The following EHBP1 variants were observed in gnomAD, a reference collection of about 807,000 sequenced individuals.
EHBP1 encodes the protein EH domain binding protein 1, also known as EH domain-binding protein 1.
EHBP1 carries 55 observed loss-of-function variants against 144.0 expected under a neutral mutation model. The observed-to-expected ratio is 0.38, with a 90% confidence interval of 0.31 to 0.48. EHBP1 has a LOEUF of 0.48. Ranked by LOEUF, EHBP1 falls within the 20% of genes least tolerant of loss-of-function variation. The pLI is 0.98. For missense variants in EHBP1, 1,200 were observed against 1,364.2 expected (o/e 0.88, Z 1.90); for synonymous variants, 469 against 472.7 (o/e 0.99, Z 0.10).
intron 19 of EHBP1, among the ~76,000 whole-genome samples, chr2:63,033,979 C>G (rs1380196497): frequency 6.6e-6 from 1 of 151,920 alleles, no homozygotes; most frequent in Admixed American, 6.6e-5. Flanking sequence ...ATAATTTTTA[C>G]AAATCATACT....
chr2:63,040,594 T>TA (rs1450236184), intron 21 of EHBP1, among the ~76,000 whole-genome samples: 1 of 152,208 alleles, frequency 6.6e-6, no homozygotes, highest in Non-Finnish European at 1.5e-5. Flanking sequence ...CTACAGTTGT[T>TA]AGTGTTTTGC....
chr2:62,945,071 A>G (rs1408143914), intron 12 of EHBP1, among the ~76,000 whole-genome samples: 2 of 152,228 alleles, frequency 1.3e-5, no homozygotes, highest in East Asian at 3.8e-4. Context: ...AGTGTTAACC[A>G]TGCCTGAGAC....
chr2:62,830,191 C>CACAT (rs773512660), intron 6 of EHBP1, among the ~76,000 whole-genome samples: 19 of 106,238 alleles, frequency 1.8e-4, no homozygotes, highest in African/African-American at 5.8e-4. Flanking sequence ...CACACACACA[C>CACAT]ACACATATAT....
chr2:62,726,650 G>A (rs2036819201), intron 2 of EHBP1: 1 of 152,108 alleles, frequency 6.6e-6, no homozygotes, highest in Non-Finnish European at 1.5e-5. Context: ...GACTTGTTAA[G>A]TGCACTATTG....
At chr2:62,814,167 ATGAGG>A (rs2045267136) in intron 5 of EHBP1, among the ~76,000 whole-genome samples, 1 of 152,246 alleles carries the variant, frequency 6.6e-6, no homozygotes, top group Admixed American at 6.5e-5. Context: ...TGGGAACTGT[ATGAGG>A]TGAATAGATC....
chr2:62,943,846 A>C lies in EHBP1; in HGVS notation c.1409A>C (p.Lys470Thr). The change falls in exon 12 of 23, where the codon AAA becomes ACA. Residue 470 changes from lysine to threonine, a missense_variant. By Grantham distance (78) the Lys-to-Thr change is moderately conservative. Around this residue, in one of 6 missense-constraint regions of EHBP1, gnomAD observed 94 missense variants for 143.0 expected, o/e 0.66. Coordinates refer to ENST00000431489, the MANE Select transcript of EHBP1 (RefSeq NM_001142616.3). ...LNPQDIKENN[K>T]KAYDGFASIG... ...CCTCAAGATATTAAAGAGAACAACA[A>C]AAAGGTAAGAATTGATGAGCAAGAA... The C allele has an allele frequency of 6.2e-7, 1 of 1,603,568 alleles. No homozygotes were observed. Among genetic ancestry groups the C allele is most frequent in the Non-Finnish European group, 8.5e-7 (1 of 1,173,404 alleles).
chr2:62,810,921 G>T (rs1276845772), intron 5 of EHBP1, among the ~76,000 whole-genome samples: 3 of 152,210 alleles, frequency 2.0e-5, no homozygotes, highest in Admixed American at 1.3e-4. Flanking sequence ...GTAGTCAACT[G>T]GAGGTTAGGG....
chr2:62,921,350 T>C (rs770055832), intron 10 of EHBP1, among the ~76,000 whole-genome samples: 1 of 151,056 alleles, frequency 6.6e-6, no homozygotes, highest in Non-Finnish European at 1.5e-5. Context: ...GAGGCTGAGG[T>C]AGGAGGATGG....
Position 62,771,408 on chromosome 2 carries a change from ATTCC to A in EHBP1, c.312+20_312+23del, listed in dbSNP as rs1248746056. The stretch of plus-strand genomic sequence containing the variant: ...CATAGAAAATGTAAGCTAATGGCAA[ATTCC>A]TTCACCTTTCACATTTTCAACTTTA... On this transcript the variant is annotated intron_variant, in intron 5 of 22. Coordinates refer to ENST00000431489, the MANE Select transcript of EHBP1 (RefSeq NM_001142616.3). 6 of 1,572,708 alleles carry A rather than the reference ATTCC, an allele frequency of 3.8e-6. No homozygotes were observed. Among genetic ancestry groups the A allele is most frequent in the Non-Finnish European group, 5.2e-6 (6 of 1,157,464 alleles).
intron 19 of EHBP1, 133 bp downstream of exon 19, chr2:62,996,899 T>G (rs1032850256): frequency 1.5e-6 from 2 of 1,294,508 alleles, no homozygotes; most frequent in African/African-American, 3.0e-5. Context: ...AAGGCTGCGA[T>G]TTGCAGCCAC....
At chr2:62,808,067 A>C (rs2152518949) in intron 5 of EHBP1, among the ~76,000 whole-genome samples, 1 of 151,382 alleles carries the variant, frequency 6.6e-6, no homozygotes, top group African/African-American at 2.4e-5. Context: ...AAAAAAAAAA[A>C]GAAAGAAAAG....
At chr2:62,997,428 A>ATGTGTGTG (rs70962800) in intron 19 of EHBP1, among the ~76,000 whole-genome samples, 42 of 90,610 alleles carry the variant, frequency 4.6e-4, no homozygotes, top group South Asian at 1.8e-3. Flanking sequence ...AAAGGAACTC[A>ATGTGTGTG]TGTGTGTGTG....
chr2:62,931,545 G>C (rs1236346520), intron 10 of EHBP1, among the ~76,000 whole-genome samples: 1 of 152,164 alleles, frequency 6.6e-6, no homozygotes, highest in East Asian at 1.9e-4. Context: ...GTATACAGTA[G>C]CACCTCCACC....
intron 19 of EHBP1, among the ~76,000 whole-genome samples, chr2:63,021,958 G>A (rs1167457989): frequency 6.6e-6 from 1 of 151,974 alleles, no homozygotes; most frequent in African/African-American, 2.4e-5. Context: ...AGTAGAGACG[G>A]GGTTTCACTA....
chr2:62,895,278 T>TATCATC (rs10700628), intron 10 of EHBP1, among the ~76,000 whole-genome samples: 14,463 of 149,740 alleles, frequency 0.097, 917 homozygotes, highest in Non-Finnish European at 0.13. Flanking sequence ...ATGTAAATTC[T>TATCATC]ATCATCATCA....
In EHBP1 at chr2:62,948,578, T is replaced by G. The variant is rs1382107968; in HGVS notation, c.1732T>G (p.Ser578Ala). Residue 578 changes from serine to alanine, a missense_variant, in exon 13 of 23, where the codon TCT (serine) becomes GCT (alanine). This residue lies in a region of EHBP1 where 543 missense variants were observed against 513.1 expected (regional missense o/e 1.06). Coordinates refer to ENST00000431489, the MANE Select transcript of EHBP1 (RefSeq NM_001142616.3). ...GAVDFLSQDD[S>A]VFVNDSGVGE... Reference sequence around the variant, plus strand: ...AGTAGACTTCTTATCACAGGATGACTCTGTATTTGTAAATGATAGCGGGGT... The same window carrying G: ...AGTAGACTTCTTATCACAGGATGACGCTGTATTTGTAAATGATAGCGGGGT... 6.2e-7 allele frequency: 1 copy of G among 1,614,054 alleles called. No individual in the cohort carries two copies. Among genetic ancestry groups the G allele is most frequent in the Non-Finnish European group, 8.5e-7 (1 of 1,180,006 alleles).
intron 19 of EHBP1, among the ~76,000 whole-genome samples, chr2:63,029,058 T>C (rs999080263): frequency 1.3e-5 from 2 of 152,230 alleles, no homozygotes; most frequent in African/African-American, 4.8e-5. Context: ...TTTTCAATCT[T>C]AAAATGTACC....
chr2:62,960,412 G>A (rs1380318234), intron 14 of EHBP1, among the ~76,000 whole-genome samples: 2 of 152,064 alleles, frequency 1.3e-5, no homozygotes, highest in Non-Finnish European at 2.9e-5. Flanking sequence ...TAGTGAAATA[G>A]CACTTCTATA....
At chr2:62,699,737 T>C (rs781097108) in intron 1 of EHBP1, among the ~76,000 whole-genome samples, 3 of 152,238 alleles carry the variant, frequency 2.0e-5, no homozygotes, top group Non-Finnish European at 2.9e-5. Flanking sequence ...TGAATATCAT[T>C]GTTGCCTGCA....
Sources: allele counts gnomAD v4.1 joint callset (sites outside exome capture counted in the v4.1 genomes callset), GRCh38; gene constraint gnomAD v4.1.1; regional missense constraint gnomAD v4.1.1; transcripts MANE v1.5; gene names NCBI Gene and HGNC (gene_info 2026-07-23, HGNC 2026-07-21).